Variants in SLC35F4 observed in about 807,000 individuals in gnomAD.
SLC35F4 encodes the protein solute carrier family 35 member F4.
In SLC35F4, 24 loss-of-function variants were observed where a neutral mutation model predicts 44.2. The ratio of observed to expected loss-of-function variants is 0.54; its 90% CI spans 0.39 to 0.76. The LOEUF is 0.76. Among genes scored for constraint, SLC35F4 ranks in the 30% least tolerant of loss-of-function variants. SLC35F4 has a pLI of 0.00. For synonymous variants in SLC35F4, 238 were observed against 223.6 expected (o/e 1.06, Z -0.57); for missense variants, 562 against 586.1 (o/e 0.96, Z 0.42).
chr14:57,668,188 T>C lies in SLC35F4; in HGVS notation c.104-74064A>G, dbSNP rs544797041. 3.4e-3 allele frequency among the ~76,000 whole-genome samples: 520 copies of C among 151,468 alleles called. 9 individuals are homozygous for C. The highest frequency in any genetic ancestry group is 0.012 in the African/African-American group (483 of 41,062). On this transcript the variant is annotated intron_variant, in intron 1 of 7. Transcript: ENST00000556826. ...CCACTTTTTGATGGGGTTGTTTTTT[T>C]CTTGTAAATTTGTTTGAGTTCATTG...
At chr14:57,649,466 G>C (rs76902577) in intron 1 of SLC35F4, among the ~76,000 whole-genome samples, 20,248 of 152,010 alleles carry the variant, frequency 0.13, 1,461 homozygotes, top group East Asian at 0.22. Context: ...CCTCCTGCCT[G>C]CTTCTTATAA....
intron 1 of SLC35F4, among the ~76,000 whole-genome samples, chr14:57,656,372 TATATAC>T (rs1235320523): frequency 1.7e-3 from 149 of 86,170 alleles, no homozygotes; most frequent in African/African-American, 2.6e-3. Flanking sequence ...TATATATATA[TATATAC>T]ACACACACAC....
At chr14:57,650,479 G>A (rs940372418) in intron 1 of SLC35F4, among the ~76,000 whole-genome samples, 4 of 151,828 alleles carry the variant, frequency 2.6e-5, no homozygotes, top group East Asian at 3.9e-4. Context: ...CTACTGATTT[G>A]CCCAAAACAC....
rs74745137 is a variant in SLC35F4 at position 57,774,709 on chromosome 14, C to T, written c.103+91014G>A. ...TCTGTGCTGGTGGACTGCACCTGAC[C>T]GGAGCTCCAGCAGAATGCCCCTGCA... On this transcript the variant is annotated intron_variant, in intron 1 of 7. Transcript: ENST00000556826. Among the ~76,000 whole-genome samples the T allele has an allele frequency of 2.6e-4, 39 of 152,280 alleles. No individual in the cohort carries two copies. The East Asian group carries it at 7.0e-3, about 27-fold the overall frequency.
At chr14:57,836,441 C>T (rs1157407841) in intron 1 of SLC35F4, among the ~76,000 whole-genome samples, 3 of 151,844 alleles carry the variant, frequency 2.0e-5, no homozygotes, top group South Asian at 2.1e-4. Context: ...TACAGGCATG[C>T]GCCATCACAT....
At chr14:57,961,487 G>A (rs1007955484) in intron 1 of SLC35F4, among the ~76,000 whole-genome samples, 11 of 152,142 alleles carry the variant, frequency 7.2e-5, no homozygotes, top group African/African-American at 2.7e-4. Flanking sequence ...ATCCATGCTT[G>A]TCCCTGTTAT....
intron 1 of SLC35F4, among the ~76,000 whole-genome samples, chr14:57,644,655 T>C (rs1047439508): frequency 9.8e-5 from 15 of 152,312 alleles, no homozygotes; most frequent in South Asian, 4.1e-4. Flanking sequence ...TTTGTTGCCA[T>C]TGCTTTTGGT....
chr14:57,783,438 G>T (rs1216498423), intron 1 of SLC35F4, among the ~76,000 whole-genome samples: 2 of 152,112 alleles, frequency 1.3e-5, no homozygotes, highest in African/African-American at 4.8e-5. Context: ...TAGTAAGAAA[G>T]AGAAGCGAGC....
rs146254432 is a variant in SLC35F4 at position 57,702,192 on chromosome 14, C to G, written c.104-108068G>C. 4.0e-4 allele frequency among the ~76,000 whole-genome samples: 61 copies of G among 152,296 alleles called. 1 individual carries two copies. The East Asian group carries it at 0.012, about 29-fold the overall frequency. ...CATCCTTGTAGCCAAAGATAATTAT[C>G]TCAACACTGTGAAGTAATCCTCTTG... On this transcript the variant is annotated intron_variant, in intron 1 of 7. Transcript: ENST00000556826.
chr14:57,730,928 G>A (rs998919936), intron 1 of SLC35F4, among the ~76,000 whole-genome samples: 6 of 152,140 alleles, frequency 3.9e-5, no homozygotes, highest in African/African-American at 1.4e-4. Context: ...AAAGATACAC[G>A]GCTTCTCAGA....
At chr14:57,942,062 C>T (rs1018234074) in intron 1 of SLC35F4, among the ~76,000 whole-genome samples, 7 of 152,136 alleles carry the variant, frequency 4.6e-5, no homozygotes, top group Admixed American at 2.0e-4. Context: ...TTCTTTTTCT[C>T]CACTTAAAAT....
chr14:57,639,654 G>A (rs949916120), intron 1 of SLC35F4, among the ~76,000 whole-genome samples: 2 of 152,000 alleles, frequency 1.3e-5, no homozygotes, highest in African/African-American at 4.8e-5. Flanking sequence ...GAGGGGCCCA[G>A]TACTTTATTA....
chr14:57,829,518 G>A (rs1313503310), intron 1 of SLC35F4, among the ~76,000 whole-genome samples: 1 of 152,202 alleles, frequency 6.6e-6, no homozygotes, highest in Non-Finnish European at 1.5e-5. Context: ...CTAAAACGCT[G>A]TGACCAAGAG....
At chr14:57,950,434 G>C (rs1203849896) in intron 1 of SLC35F4, among the ~76,000 whole-genome samples, 1 of 151,044 alleles carries the variant, frequency 6.6e-6, no homozygotes, top group Non-Finnish European at 1.5e-5. Flanking sequence ...TCCATATCCT[G>C]TATTTTTTTT....
chr14:57,629,595 T>C (rs1023168263), intron 1 of SLC35F4, among the ~76,000 whole-genome samples: 2 of 152,152 alleles, frequency 1.3e-5, no homozygotes, highest in African/African-American at 2.4e-5. Context: ...TTGTGCCATA[T>C]AGAAACTTCA....
intron 1 of SLC35F4, among the ~76,000 whole-genome samples, chr14:57,778,640 G>T (rs559612656): frequency 6.6e-6 from 1 of 151,984 alleles, no homozygotes; most frequent in South Asian, 2.1e-4. Context: ...GACATCTACA[G>T]AACGATACAC....
At chr14:57,811,458 GCCCTTC>G (rs958465410) in intron 1 of SLC35F4, among the ~76,000 whole-genome samples, 1 of 152,144 alleles carries the variant, frequency 6.6e-6, no homozygotes, top group African/African-American at 2.4e-5. Context: ...TGAACAAATA[GCCCTTC>G]CCCTTTCCAC....
chr14:57,589,864 G>C (rs2070045460), intron 2 of SLC35F4, among the ~76,000 whole-genome samples: 1 of 152,162 alleles, frequency 6.6e-6, no homozygotes. Context: ...TTGAATGTGA[G>C]AAGACATGAG....
intron 1 of SLC35F4, among the ~76,000 whole-genome samples, chr14:57,760,311 G>T (rs1458183957): frequency 6.6e-6 from 1 of 152,006 alleles, no homozygotes; most frequent in Non-Finnish European, 1.5e-5. Context: ...GTGTAACATG[G>T]CACCCTTTTT....
Sources: allele counts gnomAD v4.1 joint callset (sites outside exome capture counted in the v4.1 genomes callset), GRCh38; gene constraint gnomAD v4.1.1; transcripts MANE v1.5; gene names NCBI Gene and HGNC (gene_info 2026-07-23, HGNC 2026-07-21).